Variants in ABCC8 observed in about 807,000 individuals in gnomAD.
ABCC8 encodes the protein ATP binding cassette subfamily C member 8, also known as ATP-binding cassette sub-family C member 8.
In ABCC8, 137 loss-of-function variants were observed where a neutral mutation model predicts 188.0. The ratio of observed to expected loss-of-function variants is 0.73; its 90% CI spans 0.63 to 0.84. ABCC8 has a LOEUF of 0.84. ABCC8 is among the 40% of genes least tolerant of loss of function. The pLI, the probability that ABCC8 is intolerant of heterozygous loss-of-function variation, is 0.00. For missense variants in ABCC8, 1,750 were observed against 2,072.7 expected, an observed-to-expected ratio of 0.84 and a Z score of 3.02; for synonymous variants, 797 against 846.5, an observed-to-expected ratio of 0.94 and a Z score of 1.01.
intron 22 of ABCC8, 27 bp from the exon 23 acceptor site, chr11:17,408,544 T>C: frequency 6.2e-7 from 1 of 1,601,618 alleles, no homozygotes; most frequent in Non-Finnish European, 8.5e-7. Flanking sequence ...AAACGTGGTT[T>C]GGGGGCTGGC....
intron 36 of ABCC8, among the ~76,000 whole-genome samples, chr11:17,394,702 G>A (rs1953816189): frequency 6.6e-6 from 1 of 152,162 alleles, no homozygotes; most frequent in Non-Finnish European, 1.5e-5. Flanking sequence ...CCTTGGTAGG[G>A]TGATTCATTG....
chr11:17,421,518 T>C (rs1955342251), intron 16 of ABCC8, among the ~76,000 whole-genome samples: 1 of 152,086 alleles, frequency 6.6e-6, no homozygotes, highest in Admixed American at 6.5e-5. Flanking sequence ...ACAAACAAAA[T>C]ATGGTCCCTG....
chr11:17,470,050 A>T (rs781270620), intron 3 of ABCC8, 51 bp downstream of exon 3: 7 of 1,595,384 alleles, frequency 4.4e-6, no homozygotes, highest in Non-Finnish European at 5.2e-6. Flanking sequence ...AGTAAACATT[A>T]TCTGAAGAAA....
At chr11:17,435,516 T>C (rs557753739) in intron 10 of ABCC8, among the ~76,000 whole-genome samples, 27 of 152,304 alleles carry the variant, frequency 1.8e-4, no homozygotes, top group Non-Finnish European at 3.4e-4. Context: ...ACTCTTATGG[T>C]CTACAAGGTA....
intron 14 of ABCC8, 43 bp downstream of exon 14, chr11:17,428,246 G>A: frequency 1.9e-6 from 3 of 1,613,344 alleles, no homozygotes; most frequent in Non-Finnish European, 1.7e-6. Flanking sequence ...GCTCCCTCTG[G>A]GAGTTGGTGC....
At position 17,461,616 on chromosome 11, in the gene ABCC8, G is replaced by T; in HGVS notation, c.789C>A (p.Tyr263Ter). The change falls in exon 5 of 39, where the codon TAC becomes TAA. Residue 263 changes from tyrosine to a stop codon, truncating the protein, a stop_gained. Transcript: ENST00000389817. LOFTEE classifies it high-confidence loss of function. ...CGTCAAAGGCCTCGCAGAGCCGTTG[G>T]TAGTTGGTGAGGGCCCTCATGGCGA... ...LPIAMRALTN[Y>*]QRLCEAFDAQ... The T allele has an allele frequency of 1.9e-6, 3 of 1,614,232 alleles. No homozygotes were observed. Among genetic ancestry groups the T allele is most frequent in the Non-Finnish European group, 1.7e-6 (2 of 1,180,048 alleles).
At chr11:17,431,265 C>T (rs906444440) in intron 11 of ABCC8, among the ~76,000 whole-genome samples, 1 of 151,616 alleles carries the variant, frequency 6.6e-6, no homozygotes, top group South Asian at 2.1e-4. Flanking sequence ...AGCACGGCCC[C>T]CTCTGCAGAC....
At chr11:17,450,666 G>A (rs1956778896) in intron 7 of ABCC8, among the ~76,000 whole-genome samples, 1 of 143,686 alleles carries the variant, frequency 7.0e-6, no homozygotes, top group Admixed American at 7.2e-5. Context: ...CAAAGTGCTG[G>A]GATTACAGGC....
chr11:17,397,676 C>T lies in ABCC8; in HGVS notation c.3867+8G>A, dbSNP rs1259272394. ...ACCCCTCCTCTGCCCTAGCCCACTG[C>T]CGCTCACCATTAGGGCGTAGGTAAG... On this transcript the variant is annotated splice_region_variant and intron_variant, in intron 31 of 38. Transcript: ENST00000389817. 2 of 1,610,918 alleles carry T rather than the reference C, an allele frequency of 1.2e-6. No individual in the cohort carries two copies. The highest frequency in any genetic ancestry group is 1.1e-5 in the South Asian group (1 of 91,020).
chr11:17,428,644 G>A lies in ABCC8; in HGVS notation c.1844C>T (p.Ser615Phe). 1 of 1,613,862 alleles carries A rather than the reference G, an allele frequency of 6.2e-7. No homozygotes were observed. Among genetic ancestry groups the A allele is most frequent in the Non-Finnish European group, 8.5e-7 (1 of 1,180,036 alleles). Residue 615 changes from serine (S) to phenylalanine (F), a missense_variant, in exon 13 of 39, where the codon TCC (serine) becomes TTC (phenylalanine). Ser to Phe is a radical substitution (Grantham distance 155, BLOSUM62 -2). Coordinates refer to ENST00000389817, the MANE Select transcript of ABCC8 (RefSeq NM_000352.6). ...CTGCTCCTCACGGATCTCTGCACTG[G>A]ACAGGAACTCGCTTAGCTTTTGCAC... ...VSVQKLSEFL[S>F]SAEIREEQCA...
rs781617345 is a variant in ABCC8, at chr11:17,470,131, C to T, written c.382G>A (p.Glu128Lys). Residue 128 changes from glutamate to lysine, a missense_variant, in exon 3 of 39, where the codon GAG becomes AAG. Glu to Lys is a moderately conservative substitution (Grantham distance 56). Coordinates refer to ENST00000389817, the MANE Select transcript of ABCC8 (RefSeq NM_000352.6). Reference sequence around the variant, plus strand: ...AGCAGCTTGGGGAAGTTGGAAGTCTCGATGTTGTGATAGTAGACCACGGAG... The same window carrying T: ...AGCAGCTTGGGGAAGTTGGAAGTCTTGATGTTGTGATAGTAGACCACGGAG... ...VTSVVYYHNI[E>K]TSNFPKLLIA... is the part of the protein sequence containing the mutation. 3.7e-6 allele frequency: 6 copies of T among 1,614,112 alleles called. No homozygotes were observed. Among genetic ancestry groups the T allele is most frequent in the South Asian group, 1.1e-5 (1 of 91,078 alleles).
At chr11:17,444,806 G>T (rs1382531895) in intron 8 of ABCC8, among the ~76,000 whole-genome samples, 1 of 152,222 alleles carries the variant, frequency 6.6e-6, no homozygotes, top group African/African-American at 2.4e-5. Flanking sequence ...GCAGTCTTGG[G>T]TGAGTTACTT....
At chr11:17,466,185 G>T (rs1420320943) in intron 3 of ABCC8, among the ~76,000 whole-genome samples, 2 of 152,106 alleles carry the variant, frequency 1.3e-5, no homozygotes, top group Non-Finnish European at 2.9e-5. Flanking sequence ...CAGATCACAA[G>T]ATCAGGAGTT....
rs372504462 is a variant in ABCC8, at chr11:17,406,987, G to T, written c.3063C>A (p.Leu1021=). Residue 1021 remains leucine, a synonymous_variant, in exon 25 of 39, where the codon CTC becomes CTA. Transcript: ENST00000389817. ...CGATGGCCACCAGGACCATGTGCTT[G>T]AGCAGCTGTGAGAAGACCAGCAACG... The part of the protein sequence containing the change: ...LLSLLVFSQL[L]KHMVLVAIDY... 6 of 1,614,082 alleles carry T rather than the reference G, an allele frequency of 3.7e-6. No homozygotes were observed. The highest frequency in any genetic ancestry group is 5.1e-6 in the Non-Finnish European group (6 of 1,180,050).
chr11:17,413,532 C>T (rs763865121), intron 19 of ABCC8, 54 bp from the exon 20 acceptor site: 40 of 1,612,210 alleles, frequency 2.5e-5, no homozygotes, highest in Admixed American at 5.0e-5. Flanking sequence ...AGAGTTGGCC[C>T]GAGCACTTGC....
At position 17,432,327 on chromosome 11, in the gene ABCC8, C is replaced by T. The variant is rs912222056; in HGVS notation, c.1631-83G>A. The T allele has an allele frequency of 1.0e-5, 16 of 1,550,344 alleles. No homozygotes were observed. The African/African-American group carries it at 1.2e-4, about 12-fold the overall frequency. ...GATGCCCAGGATGGCTTGGAGGCAG[C>T]GCAGTCCAGTGGGGCCAGCCTGTGG... On this transcript the variant is annotated intron_variant, in intron 10 of 38. Transcript: ENST00000389817.
intron 16 of ABCC8, among the ~76,000 whole-genome samples, chr11:17,419,129 C>T (rs1283217903): frequency 6.6e-6 from 1 of 152,182 alleles, no homozygotes; most frequent in Non-Finnish European, 1.5e-5. Context: ...TCCAGTGAGC[C>T]TCCCCAAACT....
In ABCC8 at chr11:17,461,715, G is replaced by A. The variant is rs1431845959; in HGVS notation, c.690C>T (p.Tyr230=). Residue 230 remains tyrosine (Y), a synonymous_variant, in exon 5 of 39, where the codon TAC becomes TAT. Transcript: ENST00000389817. ...PFVNLLSKGT[Y]WWMNAFIKTA... is the part of the protein sequence containing the mutation. ...TCTTGATGAAGGCGTTCATCCACCAGTAGGTGCCTTTGGACAGCAGATTCA... is the reference window on the plus strand; with the variant it reads ...TCTTGATGAAGGCGTTCATCCACCAATAGGTGCCTTTGGACAGCAGATTCA... The A allele has an allele frequency of 2.5e-6, 4 of 1,614,084 alleles. No individual in the cohort carries two copies. The highest frequency in any genetic ancestry group is 3.4e-6 in the Non-Finnish European group (4 of 1,180,040).
At chr11:17,425,423 A>G (rs1446917385) in intron 16 of ABCC8, among the ~76,000 whole-genome samples, 1 of 152,196 alleles carries the variant, frequency 6.6e-6, no homozygotes, top group Non-Finnish European at 1.5e-5. Flanking sequence ...CATGCTTATG[A>G]AAAACCTGAC....
Sources: gnomAD v4.1 joint callset for allele counts (sites outside exome capture counted in the v4.1 genomes callset) on GRCh38, gnomAD v4.1.1 for gene constraint, MANE v1.5 for transcripts, NCBI Gene and HGNC (gene_info 2026-07-23, HGNC 2026-07-21) for gene names.